Variants in HEATR5B observed in about 807,000 individuals in gnomAD.
The protein encoded by HEATR5B is HEAT repeat-containing protein 5B.
In HEATR5B, 156 loss-of-function variants were observed where a neutral mutation model predicts 224.1. The ratio of observed to expected loss-of-function variants is 0.70; its 90% CI spans 0.61 to 0.80. The LOEUF (loss-of-function observed/expected upper bound fraction) is 0.80. Ranked by LOEUF, HEATR5B falls within the 30% of genes least tolerant of loss-of-function variation. The pLI is 0.00. For synonymous variants in HEATR5B, 1,027 were observed against 893.0 expected (o/e 1.15, Z -2.68); for missense variants, 2,323 against 2,535.5 (o/e 0.92, Z 1.80).
intron 26 of HEATR5B, 85 bp from the exon 27 acceptor site, chr2:37,014,105 G>T (rs1667962870): frequency 1.4e-6 from 1 of 697,378 alleles, no homozygotes; most frequent in Non-Finnish European, 2.3e-6. Context: ...TTTCCTAGAA[G>T]ATAAAACACA....
Position 37,002,833 on chromosome 2 carries a change from A to G in HEATR5B, c.5051-261T>C, listed in dbSNP as rs151193189. 3.1e-3 allele frequency among the ~76,000 whole-genome samples: 477 copies of G among 152,240 alleles called. 5 individuals are homozygous for G. Among genetic ancestry groups the G allele is most frequent in the African/African-American group, 0.011 (443 of 41,548 alleles). On this transcript the variant is annotated intron_variant, in intron 31 of 35. Transcript: ENST00000233099. ...ATATATTTTGTAATAGGAATAACACATGTTAGGTTGAACCAGATGAAATTG... is the reference window on the plus strand; with the variant it reads ...ATATATTTTGTAATAGGAATAACACGTGTTAGGTTGAACCAGATGAAATTG...
intron 17 of HEATR5B, among the ~76,000 whole-genome samples, chr2:37,052,918 A>G (rs1244943885): frequency 6.6e-6 from 1 of 152,148 alleles, no homozygotes; most frequent in Non-Finnish European, 1.5e-5. Flanking sequence ...TATTTCGGGA[A>G]ATTTCCATTT....
In HEATR5B at chr2:36,981,592, G is replaced by A. The variant is rs984968884; in HGVS notation, c.6114C>T (p.Ala2038=). The A allele has an allele frequency of 8.1e-6, 13 of 1,614,076 alleles. No homozygotes were observed. The highest frequency in any genetic ancestry group is 3.3e-5 in the Admixed American group (2 of 59,994). ...CTTTGCTCGCTTGGCTTGCTCGAAC[G>A]GCAGTTTCTAGACGCACTTTCAACT... ...APELKVRLET[A]VRASQASKAK... is the part of the protein sequence containing the mutation. The change falls in exon 36 of 36, where the codon GCC becomes GCT. Residue 2038 remains alanine (A), a synonymous_variant. Coordinates refer to ENST00000233099, the MANE Select transcript of HEATR5B (RefSeq NM_019024.3).
chr2:37,079,196 C>T lies in HEATR5B; in HGVS notation c.262G>A (p.Val88Ile). ...TTGCATTTATCAAGTGTCTGAAAAA[C>T]TGTGAAAGTATCCCCAATGCTATAA... Reference protein sequence around the residue: ...ALYSIGDTFTVFQTLDKCNDI... With the variant: ...ALYSIGDTFTIFQTLDKCNDI... Residue 88 changes from valine (V) to isoleucine (I), a missense_variant, in exon 3 of 36, where the codon GTT becomes ATT. Transcript: ENST00000233099. The T allele has an allele frequency of 6.2e-7, 1 of 1,610,544 alleles. No individual in the cohort carries two copies. Among genetic ancestry groups the T allele is most frequent in the Non-Finnish European group, 8.5e-7 (1 of 1,177,000 alleles).
In HEATR5B at chr2:37,002,371, C is replaced by T. The variant is rs1667144019; in HGVS notation, c.5252G>A (p.Ser1751Asn). ...IATKTRLSEESARLVAATVTI... is the reference protein window; with the variant it reads ...IATKTRLSEENARLVAATVTI... ...AACTGTGGCTGCCACCAAACGAGCACTTTCTTCTGATAGTCGAGTTTTAGT... is the reference window on the plus strand; with the variant it reads ...AACTGTGGCTGCCACCAAACGAGCATTTTCTTCTGATAGTCGAGTTTTAGT... Residue 1751 changes from serine to asparagine, a missense_variant, in exon 32 of 36, where the codon AGT becomes AAT. Around this residue, in one of 12 missense-constraint regions of HEATR5B, gnomAD observed 844 missense variants for 812.9 expected, o/e 1.04. Transcript: ENST00000233099. The T allele has an allele frequency of 6.2e-7, 1 of 1,614,094 alleles. No homozygotes were observed. Among genetic ancestry groups the T allele is most frequent in the Admixed American group, 1.7e-5 (1 of 60,004 alleles).
At position 37,002,511 on chromosome 2, in the gene HEATR5B, A is replaced by T. The variant is rs376459334; in HGVS notation, c.5112T>A (p.Gly1704=). ...ACACAAGAGATTTTCCAGGAATGAG[A>T]CCACCGCTGTCACCTCCTTCTCCCA... ...TVLGEGGDSG[G]LIPGKSLVFA... The change falls in exon 32 of 36, where the codon GGT becomes GGA. Residue 1704 remains glycine (G), a synonymous_variant. Transcript: ENST00000233099. 10 of 1,614,064 alleles carry T rather than the reference A, an allele frequency of 6.2e-6. No individual in the cohort carries two copies. In the Admixed American group the frequency reaches 1.0e-4, roughly 16 times the overall value.
At chr2:37,066,509 T>C (rs1671596928) in intron 8 of HEATR5B, among the ~76,000 whole-genome samples, 1 of 152,200 alleles carries the variant, frequency 6.6e-6, no homozygotes, top group South Asian at 2.1e-4. Context: ...ATAAGGAAAA[T>C]GCCTTAAGTT....
chr2:36,982,748 T>C (rs1379597880), intron 35 of HEATR5B, among the ~76,000 whole-genome samples: 1 of 152,062 alleles, frequency 6.6e-6, no homozygotes, highest in East Asian at 1.9e-4. Context: ...TCTTCACAGC[T>C]CCTATCAATT....
chr2:37,083,460 T>C lies in HEATR5B; in HGVS notation c.-22-24A>G. The C allele has an allele frequency of 2.6e-6, 4 of 1,519,486 alleles. No individual in the cohort carries two copies. The South Asian group carries it at 3.5e-5, about 13-fold the overall frequency. 94.1% of individuals were successfully genotyped at this position (1,519,486 alleles called of 1,614,324 possible). A position where few individuals can be genotyped will look rare whatever the true frequency, so the allele number is the denominator to read the frequency against. On this transcript the variant is annotated intron_variant, in intron 1 of 35. Transcript: ENST00000233099. ...ACCTTAAATTTAACAGAGTAAAAAA[T>C]ACTTGTAAGTATTTTTTAATGTTAA...
chr2:37,067,019 G>A (rs770823076), intron 8 of HEATR5B, among the ~76,000 whole-genome samples: 8 of 151,892 alleles, frequency 5.3e-5, no homozygotes, highest in African/African-American at 9.7e-5. Flanking sequence ...ACAGGTGTAC[G>A]CCACCACGCC....
At chr2:36,988,914 A>G (rs1406566684) in intron 34 of HEATR5B, 55 bp from the exon 35 acceptor site, 2 of 1,309,136 alleles carry the variant, frequency 1.5e-6, no homozygotes, top group African/African-American at 1.5e-5. Flanking sequence ...TATTTGCTCT[A>G]CAATCACATT....
At chr2:37,065,697 T>C (rs1671547444) in intron 9 of HEATR5B, 58 bp downstream of exon 9, 4 of 1,424,196 alleles carry the variant, frequency 2.8e-6, no homozygotes, top group Non-Finnish European at 3.9e-6. Flanking sequence ...TAAATATCAA[T>C]CACACTTATG....
intron 16 of HEATR5B, chr2:37,055,017 C>A: frequency 3.2e-6 from 1 of 309,072 alleles, no homozygotes; most frequent in Non-Finnish European, 6.7e-6. Flanking sequence ...GATACAGATT[C>A]AGATGTACGT....
rs769396923 is a variant in HEATR5B, at chr2:37,056,528, G to C, written c.2311C>G (p.Pro771Ala). 6.2e-7 allele frequency: 1 copy of C among 1,613,364 alleles called. No individual in the cohort carries two copies. ...YLRIPAGEAVPGPLPLGVSVI... is the reference protein window; with the variant it reads ...YLRIPAGEAVAGPLPLGVSVI... ...GAGACTCCGAGAGGGAGGGGACCAG[G>C]TACTGCTTCTCCAGCAGGTATGCGT... Residue 771 changes from proline to alanine, a missense_variant, in exon 16 of 36, where the codon CCT (proline) becomes GCT (alanine). Coordinates refer to ENST00000233099, the MANE Select transcript of HEATR5B (RefSeq NM_019024.3).
At chr2:37,020,593 C>T (rs889548871) in intron 25 of HEATR5B, 62 bp downstream of exon 25, 150 of 1,255,082 alleles carry the variant, frequency 1.2e-4, no homozygotes, top group Non-Finnish European at 1.4e-4. Flanking sequence ...AGGAAGTCTG[C>T]ACTTCTTCAG....
chr2:37,049,181 A>G (rs1481254308), intron 18 of HEATR5B, among the ~76,000 whole-genome samples: 3 of 152,332 alleles, frequency 2.0e-5, no homozygotes, highest in Admixed American at 6.5e-5. Flanking sequence ...TAATTAATAT[A>G]TAAGTGAATC....
chr2:37,059,457 TA>T lies in HEATR5B; in HGVS notation c.1850-471del, dbSNP rs1454356677. ...GTGTGTGTGTGTGTGTATATATATA[TA>T]TATATATTTTTTTTTTTTTTTTTTT... On this transcript the variant is annotated intron_variant, in intron 12 of 35. Transcript: ENST00000233099. Among the ~76,000 whole-genome samples, 310 of 112,334 alleles carry T rather than the reference TA, an allele frequency of 2.8e-3. 12 individuals carry two copies. Among genetic ancestry groups the T allele is most frequent in the Non-Finnish European group, 3.4e-3 (189 of 55,652 alleles). 73.7% of individuals were successfully genotyped at this position (112,334 alleles called of 152,430 possible).
chr2:36,982,240 T>G (rs1665629714), intron 35 of HEATR5B, among the ~76,000 whole-genome samples: 1 of 152,118 alleles, frequency 6.6e-6, no homozygotes. Flanking sequence ...ACAATACAAC[T>G]TTTTTCCTAT....
At position 37,001,439 on chromosome 2, in the gene HEATR5B, G is replaced by T. The variant is rs554893444; in HGVS notation, c.5318-626C>A. Among the ~76,000 whole-genome samples, 8 of 152,120 alleles carry T rather than the reference G, an allele frequency of 5.3e-5. No individual in the cohort carries two copies. The South Asian group carries it at 1.7e-3, about 32-fold the overall frequency. ...AGAATTCATTATTTTCACATATGTA[G>T]GGTAACTCTAAGAGGTAGAAAGGTC... On this transcript the variant is annotated intron_variant, in intron 32 of 35. Transcript: ENST00000233099.
Sources: allele counts gnomAD v4.1 joint callset (sites outside exome capture counted in the v4.1 genomes callset), GRCh38; gene constraint gnomAD v4.1.1; regional missense constraint gnomAD v4.1.1; transcripts MANE v1.5; gene names NCBI Gene and HGNC (gene_info 2026-07-23, HGNC 2026-07-21).